Variants in GPC5 observed in about 807,000 individuals in gnomAD.
GPC5 encodes glypican 5, also known as glypican-5.
GPC5 carries 47 observed loss-of-function variants against 53.9 expected under a neutral mutation model. The ratio of observed to expected loss-of-function variants is 0.87; its 90% CI spans 0.69 to 1.11. The LOEUF (loss-of-function observed/expected upper bound fraction) is 1.11, where lower values mean the gene tolerates loss of function less well. GPC5 is among the 50% of genes most tolerant of loss of function. The probability of loss-of-function intolerance (pLI) is 0.00; values close to 1 mark genes in which losing one functional copy is unlikely to be tolerated. For synonymous variants in GPC5, 286 were observed against 263.3 expected (o/e 1.09, Z -0.84); for missense variants, 748 against 713.1 (o/e 1.05, Z -0.56).
chr13:91,948,603 G>A (rs534135215), intron 6 of GPC5, among the ~76,000 whole-genome samples: 214 of 152,208 alleles, frequency 1.4e-3, no homozygotes, highest in African/African-American at 5.0e-3. Context: ...TTTAAATGAT[G>A]TTTAAAAATA....
chr13:91,569,871 C>G (rs2031704550), intron 2 of GPC5, among the ~76,000 whole-genome samples: 1 of 152,134 alleles, frequency 6.6e-6, no homozygotes, highest in African/African-American at 2.4e-5. Flanking sequence ...AACCAGCTGG[C>G]TTCTTGATCT....
In GPC5 at chr13:92,412,049, G is replaced by T. The variant is rs140249375; in HGVS notation, c.1561+267060G>T. Among the ~76,000 whole-genome samples, 14 of 152,090 alleles carry T rather than the reference G, an allele frequency of 9.2e-5. No individual in the cohort carries two copies. The East Asian group carries it at 2.3e-3, about 25-fold the overall frequency. On this transcript the variant is annotated intron_variant, in intron 7 of 7. Coordinates refer to ENST00000377067, the MANE Select transcript of GPC5 (RefSeq NM_004466.6). ...AATAGATTATTAACCTTTGACATACGGTTCTCTTCCTACCATGATTCAAAT... is the reference window on the plus strand; with the variant it reads ...AATAGATTATTAACCTTTGACATACTGTTCTCTTCCTACCATGATTCAAAT...
intron 6 of GPC5, among the ~76,000 whole-genome samples, chr13:91,964,238 A>C (rs1209086196): frequency 6.6e-6 from 1 of 152,208 alleles, no homozygotes; most frequent in African/African-American, 2.4e-5. Flanking sequence ...GAGCAGCAGC[A>C]AGATTTCTTG....
chr13:92,316,824 T>C (rs1041942114), intron 7 of GPC5, among the ~76,000 whole-genome samples: 1 of 152,132 alleles, frequency 6.6e-6, no homozygotes, highest in African/African-American at 2.4e-5. Flanking sequence ...TTTATTTCTT[T>C]TATGTTTTTT....
At chr13:91,775,411 G>C (rs2037694761) in intron 5 of GPC5, among the ~76,000 whole-genome samples, 2 of 151,986 alleles carry the variant, frequency 1.3e-5, no homozygotes, top group Non-Finnish European at 2.9e-5. Context: ...CTATCGATCT[G>C]CTACCTCCCT....
chr13:91,555,198 TTGATACAGCCAAGTGTAGGAAA>T (rs2030874380), intron 2 of GPC5, among the ~76,000 whole-genome samples: 1 of 152,094 alleles, frequency 6.6e-6, no homozygotes, highest in African/African-American at 2.4e-5. Context: ...AGGATATTGA[TTGATACAGCCAAGTGTAGGAAA>T]ACGGCCTGGC....
At chr13:91,665,280 A>C (rs1163842604) in intron 2 of GPC5, among the ~76,000 whole-genome samples, 2 of 152,180 alleles carry the variant, frequency 1.3e-5, no homozygotes, top group African/African-American at 2.4e-5. Context: ...TTTTATACTT[A>C]GTACTTCTTT....
intron 1 of GPC5, among the ~76,000 whole-genome samples, chr13:91,417,360 G>C (rs1253941103): frequency 1.4e-4 from 22 of 152,118 alleles, no homozygotes; most frequent in Admixed American, 1.4e-3. Context: ...AAATAATTCA[G>C]GGACAGAACT....
rs1281380893 is a variant in GPC5, at chr13:92,527,249, G to GAAAGAA, written c.1562-339032_1562-339031insAAGAAA. ...AGAAAGAAAGAAAGAAAGAAAGAAA[G>GAAAGAA]AGAAAGAAAGAAAGAAAGAAAGAAA... On this transcript the variant is annotated intron_variant, in intron 7 of 7. Coordinates refer to ENST00000377067, the MANE Select transcript of GPC5 (RefSeq NM_004466.6). Among the ~76,000 whole-genome samples, 58 of 32,700 alleles carry GAAAGAA rather than the reference G, an allele frequency of 1.8e-3. 4 individuals carry two copies. Among genetic ancestry groups the GAAAGAA allele is most frequent in the East Asian group, 6.4e-3 (6 of 944 alleles). 21.5% of individuals were successfully genotyped at this position (32,700 alleles called of 152,430 possible).
intron 2 of GPC5, among the ~76,000 whole-genome samples, chr13:91,641,428 C>G (rs1245347663): frequency 6.6e-6 from 1 of 151,888 alleles, no homozygotes; most frequent in Non-Finnish European, 1.5e-5. Flanking sequence ...CACATGGACA[C>G]GGAGGGGAAC....
rs114669922 is a variant in GPC5 at position 91,818,426 on chromosome 13, A to G, written c.1280+62006A>G. Among the ~76,000 whole-genome samples, 932 of 152,346 alleles carry G rather than the reference A, an allele frequency of 6.1e-3. 11 individuals carry two copies. Among genetic ancestry groups the G allele is most frequent in the African/African-American group, 0.022 (904 of 41,580 alleles). ...GTTATATATAACTGACATTATTAAA[A>G]AGACCCTATATTACATAAATGTGAT... On this transcript the variant is annotated intron_variant, in intron 5 of 7. Transcript: ENST00000377067.
At chr13:92,741,040 C>G (rs1265668169) in intron 7 of GPC5, among the ~76,000 whole-genome samples, 1 of 148,818 alleles carries the variant, frequency 6.7e-6, no homozygotes, top group African/African-American at 2.5e-5. Context: ...AAGATTATTC[C>G]TTCTACCTGG....
intron 6 of GPC5, among the ~76,000 whole-genome samples, chr13:91,958,928 A>G (rs1480175239): frequency 6.6e-6 from 1 of 152,036 alleles, no homozygotes; most frequent in African/African-American, 2.4e-5. Context: ...CAGAAAAACC[A>G]GTAAGATTTC....
chr13:91,774,472 G>A (rs2037677143), intron 5 of GPC5, among the ~76,000 whole-genome samples: 1 of 152,154 alleles, frequency 6.6e-6, no homozygotes, highest in Non-Finnish European at 1.5e-5. Flanking sequence ...TATAGCACCT[G>A]TGATAGCCTG....
At chr13:92,657,881 T>G (rs2139178546) in intron 7 of GPC5, among the ~76,000 whole-genome samples, 1 of 152,286 alleles carries the variant, frequency 6.6e-6, no homozygotes, top group Middle Eastern at 3.4e-3. Context: ...ACTAATAAAG[T>G]TGAGATCATC....
At chr13:91,450,505 C>T (rs953184671) in intron 2 of GPC5, among the ~76,000 whole-genome samples, 13 of 152,024 alleles carry the variant, frequency 8.6e-5, no homozygotes, top group Non-Finnish European at 1.6e-4. Context: ...GAGCACATTA[C>T]GTTCAAAGGG....
intron 1 of GPC5, 103 bp from the exon 2 acceptor site, chr13:91,448,658 A>G: frequency 1.7e-6 from 2 of 1,151,290 alleles, no homozygotes; most frequent in Non-Finnish European, 2.4e-6. Context: ...TCCATTCCTC[A>G]CATAGTCCTT....
At chr13:91,899,026 C>T (rs2039471137) in intron 5 of GPC5, among the ~76,000 whole-genome samples, 1 of 152,174 alleles carries the variant, frequency 6.6e-6, no homozygotes, top group Admixed American at 6.6e-5. Context: ...CTTACTATCA[C>T]ATTAGCATTA....
chr13:91,718,554 C>A (rs547453148), intron 3 of GPC5, among the ~76,000 whole-genome samples: 1 of 152,258 alleles, frequency 6.6e-6, no homozygotes, highest in African/African-American at 2.4e-5. Context: ...CTACCTAACT[C>A]ATGAGGGTTT....
Sources: gnomAD v4.1 joint callset for allele counts (sites outside exome capture counted in the v4.1 genomes callset) on GRCh38, gnomAD v4.1.1 for gene constraint, MANE v1.5 for transcripts, NCBI Gene and HGNC (gene_info 2026-07-23, HGNC 2026-07-21) for gene names.